ITGB1: variants seen among roughly 807,000 people sequenced by gnomAD.
ITGB1 encodes integrin beta-1.
A neutral mutation model predicts 86.5 loss-of-function variants in ITGB1; 24 were observed. The observed-to-expected ratio is 0.28, with a 90% confidence interval of 0.20 to 0.39. The LOEUF (loss-of-function observed/expected upper bound fraction) is 0.39. ITGB1 is among the 10% of genes least tolerant of loss of function. ITGB1 has a pLI of 1.00. For synonymous variants in ITGB1, 323 were observed against 316.8 expected (o/e 1.02, Z -0.21); for missense variants, 556 against 946.9 (o/e 0.59, Z 5.42).
chr10:32,941,622 A>G (rs1375002995), intron 1 of ITGB1, among the ~76,000 whole-genome samples: 1 of 152,196 alleles, frequency 6.6e-6, no homozygotes, highest in Non-Finnish European at 1.5e-5. Flanking sequence ...ACCTCTACAT[A>G]TACATGGCAG....
intron 1 of ITGB1, among the ~76,000 whole-genome samples, chr10:32,941,888 G>A (rs2095019070): frequency 6.6e-6 from 1 of 152,150 alleles, no homozygotes; most frequent in African/African-American, 2.4e-5. Flanking sequence ...GGAGAATGGG[G>A]TTAGGGGAAA....
chr10:32,938,727 G>A (rs1362389701), intron 1 of ITGB1, among the ~76,000 whole-genome samples: 3 of 152,196 alleles, frequency 2.0e-5, no homozygotes, highest in Non-Finnish European at 4.4e-5. Context: ...CGACTGGCGG[G>A]GCACTGGCAA....
chr10:32,917,522 A>T (rs997645554), intron 11 of ITGB1, among the ~76,000 whole-genome samples: 3 of 152,220 alleles, frequency 2.0e-5, no homozygotes, highest in Non-Finnish European at 2.9e-5. Context: ...CCCACCAAAA[A>T]GTGGGAGAAG....
At chr10:32,912,938 G>A (rs1353659316) in intron 11 of ITGB1, among the ~76,000 whole-genome samples, 1 of 152,192 alleles carries the variant, frequency 6.6e-6, no homozygotes, top group Non-Finnish European at 1.5e-5. Flanking sequence ...ACCTCATACA[G>A]CCCGGTGCCC....
intron 1 of ITGB1, among the ~76,000 whole-genome samples, chr10:32,939,660 C>T (rs528692938): frequency 1.3e-5 from 2 of 152,258 alleles, no homozygotes; most frequent in South Asian, 4.2e-4. Context: ...AAAATTGATG[C>T]ACCTCTATTA....
intron 2 of ITGB1, among the ~76,000 whole-genome samples, chr10:32,934,298 A>G (rs1278506740): frequency 1.3e-5 from 2 of 152,228 alleles, no homozygotes; most frequent in African/African-American, 4.8e-5. Context: ...ATTATTCCCT[A>G]AACAATACAG....
At chr10:32,946,528 G>A (rs1036165585) in intron 1 of ITGB1, among the ~76,000 whole-genome samples, 1 of 152,108 alleles carries the variant, frequency 6.6e-6, no homozygotes, top group Non-Finnish European at 1.5e-5. Flanking sequence ...CAACAAGGAT[G>A]GCTGCTGATG....
At chr10:32,912,463 G>A (rs773568219) in intron 11 of ITGB1, among the ~76,000 whole-genome samples, 9 of 152,206 alleles carry the variant, frequency 5.9e-5, no homozygotes, top group Non-Finnish European at 1.0e-4. Flanking sequence ...CTTTTCCAAT[G>A]CTCTTAGAAA....
rs200455437 is a variant in ITGB1 at position 32,912,100 on chromosome 10, T to G, written c.1494A>C (p.Arg498Ser). The change falls in exon 12 of 16, where the codon AGA becomes AGC. Residue 498 changes from arginine to serine, a missense_variant. Arg to Ser is a moderately radical substitution (Grantham distance 110). Coordinates refer to ENST00000302278, the MANE Select transcript of ITGB1 (RefSeq NM_002211.4). ...CTTCATCTGTGCTGCATTCACAATGTCTACCAACACGCCCTTCATTGCACC... is the reference window on the plus strand; with the variant it reads ...CTTCATCTGTGCTGCATTCACAATGGCTACCAACACGCCCTTCATTGCACC... ...ACRCNEGRVG[R>S]HCECSTDEVN... is the part of the protein sequence containing the mutation. The G allele has an allele frequency of 1.2e-5, 20 of 1,613,640 alleles. No individual in the cohort carries two copies. Among genetic ancestry groups the G allele is most frequent in the Non-Finnish European group, 1.5e-5 (18 of 1,179,718 alleles).
Position 32,929,863 on chromosome 10 carries a change from G to T in ITGB1, c.335C>A (p.Thr112Asn). 1 of 1,613,180 alleles carries T rather than the reference G, an allele frequency of 6.2e-7. No homozygotes were observed. The highest frequency in any genetic ancestry group is 1.1e-5 in the South Asian group (1 of 91,072). The change falls in exon 4 of 16, where the codon ACT becomes AAT. Residue 112 changes from threonine (T) to asparagine (N), a missense_variant. Thr to Asn is a moderately conservative substitution (Grantham distance 65). This residue lies in a region of ITGB1 where 183 missense variants were observed against 263.9 expected (regional missense o/e 0.69). Transcript: ENST00000302278. Reference sequence around the variant, plus strand: ...AACCAACTGCTGTGGTTGGATCTGAGTAATATCCTCTGGCTTGAGCTTCTC... The same window carrying T: ...AACCAACTGCTGTGGTTGGATCTGATTAATATCCTCTGGCTTGAGCTTCTC... ...TAEKLKPEDI[T>N]QIQPQQLVLR...
intron 15 of ITGB1, among the ~76,000 whole-genome samples, chr10:32,903,055 T>G (rs1227406358): frequency 6.6e-6 from 1 of 152,000 alleles, no homozygotes; most frequent in Non-Finnish European, 1.5e-5. Flanking sequence ...TTCAGAAGTT[T>G]CTAGAGTTAG....
At chr10:32,930,971 T>C (rs1407372250) in intron 3 of ITGB1, among the ~76,000 whole-genome samples, 1 of 152,174 alleles carries the variant, frequency 6.6e-6, no homozygotes, top group African/African-American at 2.4e-5. Flanking sequence ...TGACATTATA[T>C]ATGGTATTTA....
intron 4 of ITGB1, 130 bp downstream of exon 4, chr10:32,929,692 T>C: frequency 4.6e-6 from 3 of 653,954 alleles, no homozygotes; most frequent in Non-Finnish European, 8.3e-6. Flanking sequence ...ATTTAAACAA[T>C]TCCACATTTT....
intron 11 of ITGB1, among the ~76,000 whole-genome samples, chr10:32,912,665 A>AT (rs1286277738): frequency 6.6e-6 from 1 of 152,196 alleles, no homozygotes; most frequent in Non-Finnish European, 1.5e-5. Context: ...AGCAAAAAAA[A>AT]GCTAAAACTG....
chr10:32,957,547 C>T (rs952931541), intron 1 of ITGB1, among the ~76,000 whole-genome samples: 3 of 152,082 alleles, frequency 2.0e-5, no homozygotes, highest in African/African-American at 7.2e-5. Context: ...CAACTTCTAC[C>T]CGGCTCCCGC....
intron 1 of ITGB1, among the ~76,000 whole-genome samples, chr10:32,946,931 G>A (rs1241392621): frequency 2.0e-5 from 3 of 151,508 alleles, no homozygotes; most frequent in South Asian, 2.1e-4. Context: ...TGCAACCTCC[G>A]CCTCCTGGGT....
At chr10:32,919,462 C>T (rs1167285337) in intron 11 of ITGB1, among the ~76,000 whole-genome samples, 1 of 152,116 alleles carries the variant, frequency 6.6e-6, no homozygotes, top group Non-Finnish European at 1.5e-5. Context: ...ACATGTAGTA[C>T]AAGACAAACA....
At chr10:32,933,188 G>A (rs2094989717) in intron 2 of ITGB1, among the ~76,000 whole-genome samples, 1 of 151,912 alleles carries the variant, frequency 6.6e-6, no homozygotes, top group African/African-American at 2.4e-5. Flanking sequence ...GGATCACCTT[G>A]ACACTGAAAG....
intron 2 of ITGB1, 199 bp from the exon 3 acceptor site, chr10:32,932,799 T>C (rs1484448987): frequency 6.2e-5 from 29 of 468,728 alleles, no homozygotes; most frequent in Non-Finnish European, 3.9e-6. Context: ...AATAGGTGTA[T>C]ACATGTATGG....
Sources: gnomAD v4.1 joint callset for allele counts (sites outside exome capture counted in the v4.1 genomes callset) on GRCh38, gnomAD v4.1.1 for gene constraint, gnomAD v4.1.1 regional missense constraint, MANE v1.5 for transcripts, NCBI Gene and HGNC (gene_info 2026-07-23, HGNC 2026-07-21) for gene names.